The following PLSCR4 variants were observed in gnomAD, a reference collection of about 807,000 sequenced individuals.
PLSCR4 encodes the protein Ca(2+)-dependent phospholipid scramblase 4.
A neutral mutation model predicts 36.3 loss-of-function variants in PLSCR4; 25 were observed. That is an observed-to-expected ratio of 0.69 (90% CI 0.50 to 0.96). PLSCR4 has a LOEUF of 0.96. PLSCR4 is among the 40% of genes least tolerant of loss of function. The pLI is 0.00. For synonymous variants in PLSCR4, 122 were observed against 132.9 expected, an observed-to-expected ratio of 0.92 and a Z score of 0.56; for missense variants, 408 against 414.7, an observed-to-expected ratio of 0.98 and a Z score of 0.14.
At chr3:146,215,229 T>C (rs1186683604) in intron 3 of PLSCR4, among the ~76,000 whole-genome samples, 3 of 151,988 alleles carry the variant, frequency 2.0e-5, no homozygotes, top group Non-Finnish European at 4.4e-5. Context: ...ATAGAAAATA[T>C]GAAACTGTAT....
chr3:146,217,537 G>A (rs963403562), intron 3 of PLSCR4, among the ~76,000 whole-genome samples: 2 of 152,190 alleles, frequency 1.3e-5, no homozygotes, highest in Admixed American at 6.5e-5. Flanking sequence ...GGTCAGATTA[G>A]GCAGGAAGTA....
chr3:146,236,303 G>A lies in PLSCR4; in HGVS notation c.-21-14211C>T, dbSNP rs999466968. 5.3e-5 allele frequency among the ~76,000 whole-genome samples: 8 copies of A among 152,192 alleles called. No homozygotes were observed. In the East Asian group the frequency reaches 1.4e-3, roughly 26 times the overall value. Reference sequence around the variant, plus strand: ...AATCAAAATGAGATAAAGAAGAACAGAAAGGAGAGCAAGCATGCAAAAATT... The same window carrying A: ...AATCAAAATGAGATAAAGAAGAACAAAAAGGAGAGCAAGCATGCAAAAATT... On this transcript the variant is annotated intron_variant, in intron 1 of 8. Coordinates refer to ENST00000354952, the MANE Select transcript of PLSCR4 (RefSeq NM_020353.3).
Position 146,206,548 on chromosome 3 carries a change from G to A in PLSCR4, c.332C>T (p.Pro111Leu). ...TACCTGAACTAAGTATTCCAGACCA[G>A]GAGGGCAGTTTGCCATAGGAGTTGG... ...PGPTPMANCPPGLEYLVQLDN... is the reference protein window; with the variant it reads ...PGPTPMANCPLGLEYLVQLDN... Residue 111 changes from proline to leucine, a missense_variant, in exon 4 of 9, where the codon CCT becomes CTT. Transcript: ENST00000354952. The A allele has an allele frequency of 3.7e-6, 6 of 1,611,964 alleles. No individual in the cohort carries two copies. The highest frequency in any genetic ancestry group is 5.1e-6 in the Non-Finnish European group (6 of 1,178,222).
At chr3:146,245,632 T>C (rs1366112386) in intron 1 of PLSCR4, among the ~76,000 whole-genome samples, 1 of 152,098 alleles carries the variant, frequency 6.6e-6, no homozygotes, top group Non-Finnish European at 1.5e-5. Flanking sequence ...TACATTCAAA[T>C]GTTAAACATA....
chr3:146,209,719 T>C (rs1296875117), intron 3 of PLSCR4, among the ~76,000 whole-genome samples: 1 of 152,160 alleles, frequency 6.6e-6, no homozygotes, highest in Non-Finnish European at 1.5e-5. Flanking sequence ...AACTGGGTCT[T>C]GGTTGTCTAC....
intron 1 of PLSCR4, chr3:146,222,563 G>A (rs1429693659): frequency 6.6e-6 from 1 of 152,428 alleles, no homozygotes; most frequent in East Asian, 1.9e-4. Context: ...GGAAATTAGT[G>A]CAAAGGGTCA....
chr3:146,199,975 G>A lies in PLSCR4; in HGVS notation c.462C>T (p.Tyr154=), dbSNP rs760455538. 14 of 1,612,324 alleles carry A rather than the reference G, an allele frequency of 8.7e-6. No homozygotes were observed. The highest frequency in any genetic ancestry group is 1.7e-5 in the Admixed American group (1 of 59,848). The change falls in exon 6 of 9, where the codon TAC becomes TAT. Residue 154 remains tyrosine (Y), a synonymous_variant. Transcript: ENST00000354952. ...AGTCATCTGTGTCTTCGGTTACAAT[G>A]TAAACCATCTGGTCTGAGTTGTTTT... ...DIKNNSDQMV[Y]IVTEDTDDFT...
intron 2 of PLSCR4, among the ~76,000 whole-genome samples, 154 bp from the exon 3 acceptor site, chr3:146,221,079 T>C (rs2035118429): frequency 6.6e-6 from 1 of 152,224 alleles, no homozygotes; most frequent in Admixed American, 6.5e-5. Flanking sequence ...CATCATATAT[T>C]AGACACTATT....
intron 1 of PLSCR4, among the ~76,000 whole-genome samples, chr3:146,223,175 A>G (rs13079270): frequency 0.32 from 48,411 of 151,938 alleles, 8,493 homozygotes; most frequent in South Asian, 0.45. Flanking sequence ...GAATAACTCA[A>G]AGAAGAAGAC....
intron 1 of PLSCR4, among the ~76,000 whole-genome samples, chr3:146,231,323 G>C (rs79402238): frequency 0.013 from 1,956 of 152,198 alleles, 37 homozygotes; most frequent in African/African-American, 0.045. Flanking sequence ...AATGAATATA[G>C]AAGTGTATGT....
intron 1 of PLSCR4, among the ~76,000 whole-genome samples, chr3:146,250,111 C>T (rs2036487455): frequency 6.6e-6 from 1 of 152,138 alleles, no homozygotes; most frequent in African/African-American, 2.4e-5. Context: ...AATTCACAAC[C>T]ATGTCACAGA....
intron 3 of PLSCR4, among the ~76,000 whole-genome samples, chr3:146,207,036 C>T (rs906495368): frequency 1.9e-4 from 29 of 152,016 alleles, no homozygotes; most frequent in African/African-American, 7.0e-4. Context: ...TTAGAAGAAA[C>T]ATGTTAGCTT....
chr3:146,230,846 C>A (rs2035682680), intron 1 of PLSCR4, among the ~76,000 whole-genome samples: 1 of 151,998 alleles, frequency 6.6e-6, no homozygotes, highest in African/African-American at 2.4e-5. Flanking sequence ...ATGGTGTAGT[C>A]CTTTGTTATT....
At chr3:146,224,115 C>A (rs2035320174) in intron 1 of PLSCR4, among the ~76,000 whole-genome samples, 3 of 151,892 alleles carry the variant, frequency 2.0e-5, no homozygotes. Flanking sequence ...TTTAGACACT[C>A]CTAGTTATGT....
At chr3:146,224,152 C>T (rs1231979504) in intron 1 of PLSCR4, among the ~76,000 whole-genome samples, 4 of 151,838 alleles carry the variant, frequency 2.6e-5, no homozygotes, top group Non-Finnish European at 4.4e-5. Context: ...TGCACATGCA[C>T]ACAGGATATA....
chr3:146,212,469 T>C (rs112290981), intron 3 of PLSCR4, among the ~76,000 whole-genome samples: 1 of 149,972 alleles, frequency 6.7e-6, no homozygotes, highest in Non-Finnish European at 1.5e-5. Flanking sequence ...TTTTTTTTTT[T>C]AGACAGGGTC....
intron 1 of PLSCR4, among the ~76,000 whole-genome samples, chr3:146,230,679 TGA>T: frequency 1.3e-5 from 2 of 151,652 alleles, no homozygotes; most frequent in Non-Finnish European, 2.9e-5. Context: ...GTAAGGACAA[TGA>T]GAGAGGGAAA....
chr3:146,210,259 C>A (rs1335540881), intron 3 of PLSCR4, among the ~76,000 whole-genome samples: 1 of 152,000 alleles, frequency 6.6e-6, no homozygotes, highest in Non-Finnish European at 1.5e-5. Context: ...GAAGAATTCA[C>A]AAATATAGGG....
chr3:146,194,477 T>C, intron 8 of PLSCR4, 22 bp from the exon 9 acceptor site: 1 of 1,422,170 alleles, frequency 7.0e-7, no homozygotes, highest in South Asian at 1.1e-5. Flanking sequence ...AAAAGAATTA[T>C]ATGTAGATAT....
Sources: allele counts gnomAD v4.1 joint callset (sites outside exome capture counted in the v4.1 genomes callset), GRCh38; gene constraint gnomAD v4.1.1; transcripts MANE v1.5; gene names NCBI Gene and HGNC (gene_info 2026-07-23, HGNC 2026-07-21).